STN1: variants seen among roughly 807,000 people sequenced by gnomAD.
The protein encoded by STN1 is STN1 subunit of CST complex.
A neutral mutation model predicts 45.5 loss-of-function variants in STN1; 29 were observed. That is an observed-to-expected ratio of 0.64 (90% CI 0.47 to 0.87). The LOEUF is 0.87. STN1 is among the 40% of genes least tolerant of loss of function. STN1 has a pLI of 0.00. For synonymous variants in STN1, 148 were observed against 159.0 expected, an observed-to-expected ratio of 0.93 and a Z score of 0.52; for missense variants, 376 against 441.4, an observed-to-expected ratio of 0.85 and a Z score of 1.33.
intron 3 of STN1, among the ~76,000 whole-genome samples, chr10:103,907,931 C>T (rs1337745561): frequency 6.6e-6 from 1 of 152,000 alleles, no homozygotes; most frequent in South Asian, 2.1e-4. Context: ...GAGTTCGAGA[C>T]CAGCCTGGCC....
chr10:103,883,192 C>T (rs910250156), intron 9 of STN1, among the ~76,000 whole-genome samples: 3 of 152,134 alleles, frequency 2.0e-5, no homozygotes, highest in African/African-American at 7.2e-5. Context: ...TATTCAGTGC[C>T]AAACCTCTAG....
intron 8 of STN1, among the ~76,000 whole-genome samples, chr10:103,890,161 T>C (rs571951954): frequency 2.0e-5 from 3 of 151,768 alleles, no homozygotes; most frequent in Non-Finnish European, 4.4e-5. Context: ...AGAAAGAAAA[T>C]AGGCATGCAA....
chr10:103,907,371 T>G (rs1393558405), intron 3 of STN1, among the ~76,000 whole-genome samples: 1 of 152,238 alleles, frequency 6.6e-6, no homozygotes, highest in South Asian at 2.1e-4. Flanking sequence ...ATAATCCAAT[T>G]TATGTGCAAC....
At chr10:103,891,232 A>T (rs981094821) in intron 8 of STN1, among the ~76,000 whole-genome samples, 1 of 152,246 alleles carries the variant, frequency 6.6e-6, no homozygotes, top group African/African-American at 2.4e-5. Flanking sequence ...AAATACCCTA[A>T]GTACCCATCA....
chr10:103,887,083 G>C (rs1353594320), intron 9 of STN1, among the ~76,000 whole-genome samples: 2 of 152,144 alleles, frequency 1.3e-5, no homozygotes, highest in African/African-American at 4.8e-5. Flanking sequence ...AAAAACTCCA[G>C]GCTATATTCT....
At chr10:103,886,575 T>G (rs1843104820) in intron 9 of STN1, among the ~76,000 whole-genome samples, 1 of 152,168 alleles carries the variant, frequency 6.6e-6, no homozygotes, top group Non-Finnish European at 1.5e-5. Context: ...CACATACAGA[T>G]TCTATCTGAA....
intron 4 of STN1, among the ~76,000 whole-genome samples, chr10:103,902,955 G>T (rs918497800): frequency 1.3e-5 from 2 of 152,114 alleles, no homozygotes; most frequent in African/African-American, 4.8e-5. Context: ...TTAAAAATCT[G>T]ACTCTCAGTA....
rs1589494197 is a variant in STN1, at chr10:103,880,797, C to T, written c.*1887G>A. Among the ~76,000 whole-genome samples, 1 of 152,096 alleles carries T rather than the reference C, an allele frequency of 6.6e-6. No individual in the cohort carries two copies. The highest frequency in any genetic ancestry group is 6.5e-5 in the Admixed American group (1 of 15,274). On this transcript the variant is annotated 3_prime_UTR_variant, in exon 10 of 10. Coordinates refer to ENST00000224950, the MANE Select transcript of STN1 (RefSeq NM_024928.5). The stretch of plus-strand genomic sequence containing the variant: ...GAGGCAGAGCACTGAACAAAGGAAC[C>T]TGAGAAGGAGCAACCAGAGAGCTTG...
At chr10:103,914,468 A>C (rs534998103) in intron 2 of STN1, among the ~76,000 whole-genome samples, 4 of 145,492 alleles carry the variant, frequency 2.7e-5, no homozygotes, top group African/African-American at 1.0e-4. Flanking sequence ...TTGACCTTCC[A>C]GGCTAAAGTG....
intron 7 of STN1, among the ~76,000 whole-genome samples, chr10:103,894,214 A>C (rs1447551882): frequency 6.6e-6 from 1 of 152,248 alleles, no homozygotes; most frequent in Non-Finnish European, 1.5e-5. Flanking sequence ...TAACATAAGG[A>C]TCCTAAAGGT....
chr10:103,890,013 C>CT (rs1176525498), intron 8 of STN1, among the ~76,000 whole-genome samples: 2 of 152,008 alleles, frequency 1.3e-5, no homozygotes, highest in African/African-American at 4.8e-5. Context: ...CCAACTTAGT[C>CT]TTTTTTAACC....
chr10:103,912,781 A>G (rs947447079), intron 2 of STN1, among the ~76,000 whole-genome samples: 13 of 152,188 alleles, frequency 8.5e-5, no homozygotes, highest in Admixed American at 2.6e-4. Context: ...GAGCAGAGTA[A>G]AGTTAGAGAG....
At chr10:103,889,489 C>T (rs945264679) in intron 8 of STN1, among the ~76,000 whole-genome samples, 1 of 151,810 alleles carries the variant, frequency 6.6e-6, no homozygotes, top group Non-Finnish European at 1.5e-5. Flanking sequence ...CCTCCAATCT[C>T]CACCCCATGA....
At chr10:103,894,886 T>C (rs1471524707) in intron 7 of STN1, among the ~76,000 whole-genome samples, 1 of 152,158 alleles carries the variant, frequency 6.6e-6, no homozygotes, top group Non-Finnish European at 1.5e-5. Flanking sequence ...GCTTATCATG[T>C]TTCTGGATTT....
chr10:103,890,822 G>A (rs1843135283), intron 8 of STN1, among the ~76,000 whole-genome samples: 1 of 152,232 alleles, frequency 6.6e-6, no homozygotes, highest in African/African-American at 2.4e-5. Flanking sequence ...TCCCCGTCAG[G>A]AATCTTGCCT....
At position 103,881,113 on chromosome 10, in the gene STN1, T is replaced by A. The variant is rs185658076; in HGVS notation, c.*1571A>T. Among the ~76,000 whole-genome samples the A allele has an allele frequency of 6.6e-6, 1 of 152,302 alleles. No homozygotes were observed. The highest frequency in any genetic ancestry group is 6.5e-5 in the Admixed American group (1 of 15,294). ...ATTTTTTTCATAGCTGCATAGTATT[T>A]CATTGTGCCCAAGAACCGTAATTAA... On this transcript the variant is annotated 3_prime_UTR_variant, in exon 10 of 10. Transcript: ENST00000224950.
At position 103,882,650 on chromosome 10, in the gene STN1, C is replaced by T. The variant is rs1843076597; in HGVS notation, c.*34G>A. ...AGCCTGGGGGTGAATGCCACCTTATCTTTGTCCTCCTCAGCTGGTCTGCGT... is the reference window on the plus strand; with the variant it reads ...AGCCTGGGGGTGAATGCCACCTTATTTTTGTCCTCCTCAGCTGGTCTGCGT... On this transcript the variant is annotated 3_prime_UTR_variant, in exon 10 of 10. Transcript: ENST00000224950. 1 of 1,573,908 alleles carries T rather than the reference C, an allele frequency of 6.4e-7. No homozygotes were observed. The highest frequency in any genetic ancestry group is 1.3e-5 in the African/African-American group (1 of 74,282).
At chr10:103,895,256 A>G (rs529849275) in intron 7 of STN1, among the ~76,000 whole-genome samples, 7 of 152,368 alleles carry the variant, frequency 4.6e-5, no homozygotes, top group Admixed American at 2.0e-4. Context: ...AGCATTTTCA[A>G]AAAGATATGC....
intron 2 of STN1, among the ~76,000 whole-genome samples, chr10:103,913,225 C>A (rs1843303287): frequency 6.6e-6 from 1 of 152,218 alleles, no homozygotes; most frequent in South Asian, 2.1e-4. Context: ...ACTCAAGTCA[C>A]CTGTGATGGA....
Sources: gnomAD v4.1 joint callset for allele counts (sites outside exome capture counted in the v4.1 genomes callset) on GRCh38, gnomAD v4.1.1 for gene constraint, MANE v1.5 for transcripts, NCBI Gene and HGNC (gene_info 2026-07-23, HGNC 2026-07-21) for gene names.